Variants in TENM2 observed in about 807,000 individuals in gnomAD.
TENM2 encodes the protein teneurin-2.
TENM2 carries 52 observed loss-of-function variants against 245.2 expected under a neutral mutation model. The observed-to-expected ratio is 0.21, with a 90% CI of 0.17 to 0.27. TENM2 has a LOEUF of 0.27. Among genes scored for constraint, TENM2 ranks in the 10% least tolerant of loss-of-function variants. The probability of loss-of-function intolerance (pLI) is 1.00; values close to 1 mark genes in which losing one functional copy is unlikely to be tolerated. For synonymous variants in TENM2, 1,363 were observed against 1,438.9 expected (o/e 0.95, Z 1.19); for missense variants, 3,046 against 3,666.8 (o/e 0.83, Z 4.37).
At chr5:167,082,293 T>G in the TENM2 span, among the ~76,000 whole-genome samples, 1 of 152,104 alleles carries the variant, frequency 6.6e-6, no homozygotes, top group South Asian at 2.1e-4. Flanking sequence ...TTTATTTATT[T>G]ATTTATTTTG....
the TENM2 span, among the ~76,000 whole-genome samples, chr5:167,247,120 G>A: frequency 6.6e-6 from 1 of 152,056 alleles, no homozygotes; most frequent in Non-Finnish European, 1.5e-5. Flanking sequence ...CCCTTTACAA[G>A]CACTGCCTTA....
At chr5:167,392,772 A>T (rs1761832328) in intron 2 of TENM2, among the ~76,000 whole-genome samples, 1 of 152,200 alleles carries the variant, frequency 6.6e-6, no homozygotes, top group Non-Finnish European at 1.5e-5. Context: ...CATGGCAATA[A>T]CATTTAACTA....
chr5:167,018,008 A>G, the TENM2 span, among the ~76,000 whole-genome samples: 91 of 152,316 alleles, frequency 6.0e-4, no homozygotes, highest in Middle Eastern at 0.024. Context: ...CATCTTTTAT[A>G]AAAACACAAA....
At chr5:167,613,850 A>G (rs1777618642) in intron 2 of TENM2, among the ~76,000 whole-genome samples, 1 of 152,198 alleles carries the variant, frequency 6.6e-6, no homozygotes, top group African/African-American at 2.4e-5. Context: ...TTAAAATGCA[A>G]CGGTGGAAGA....
rs139478192 is a variant in TENM2, at chr5:168,192,074, G to A, written c.2780+1527G>A. Among the ~76,000 whole-genome samples, 476 of 152,234 alleles carry A rather than the reference G, an allele frequency of 3.1e-3. 2 individuals carry two copies. The highest frequency in any genetic ancestry group is 0.01 in the African/African-American group (436 of 41,536). The stretch of plus-strand genomic sequence containing the variant: ...TATTTCAGCCCTGATACCTCCTAGC[G>A]ATATCATGTTGGGCTCGTAAACCTC... On this transcript the variant is annotated intron_variant, in intron 14 of 28. Transcript: ENST00000518659.
rs186015019 is a variant in TENM2 at position 167,493,246 on chromosome 5, C to G, written c.502+117773C>G. ...TAAGCTATGATCTTGCCACTGTACT[C>G]CAGCCTGGGTGAGAGAGTAAGACCC... is the stretch of plus-strand genomic sequence containing the variant. On this transcript the variant is annotated intron_variant, in intron 2 of 28. Coordinates refer to ENST00000518659, the Ensembl canonical transcript of TENM2. 2.6e-3 allele frequency among the ~76,000 whole-genome samples: 402 copies of G among 151,926 alleles called. 1 individual carries two copies. The highest frequency in any genetic ancestry group is 8.5e-3 in the African/African-American group (351 of 41,422).
chr5:167,764,630 A>C (rs1762885806), intron 2 of TENM2, among the ~76,000 whole-genome samples: 1 of 152,182 alleles, frequency 6.6e-6, no homozygotes, highest in African/African-American at 2.4e-5. Context: ...AATAGAGCGC[A>C]TTCTTAGGTG....
At chr5:167,744,340 C>T (rs991230344) in intron 2 of TENM2, among the ~76,000 whole-genome samples, 3 of 152,120 alleles carry the variant, frequency 2.0e-5, no homozygotes, top group Admixed American at 1.3e-4. Context: ...ATCTCTTACC[C>T]ACACAGTCTC....
At chr5:167,201,054 T>C in the TENM2 span, among the ~76,000 whole-genome samples, 1 of 152,178 alleles carries the variant, frequency 6.6e-6, no homozygotes, top group Non-Finnish European at 1.5e-5. Flanking sequence ...GCCAACTTCA[T>C]GTCTTCTCTG....
the TENM2 span, among the ~76,000 whole-genome samples, chr5:167,131,532 G>A: frequency 4.8e-3 from 736 of 152,212 alleles, 6 homozygotes; most frequent in African/African-American, 0.017. Context: ...GTAGGAAAGG[G>A]TGAAAGGCCA....
the TENM2 span, among the ~76,000 whole-genome samples, chr5:167,007,442 C>G: frequency 1.3e-5 from 2 of 152,184 alleles, no homozygotes; most frequent in Non-Finnish European, 2.9e-5. This position sits in a 1 kb window ranked among gnomAD's most constrained non-coding sequence, Gnocchi z 4.2. Context: ...AAATGCAATG[C>G]ACTGCATAGG....
intron 3 of TENM2, among the ~76,000 whole-genome samples, chr5:167,883,407 C>A (rs750860659): frequency 7.2e-5 from 11 of 152,194 alleles, no homozygotes; most frequent in Non-Finnish European, 1.5e-4. Context: ...CACACACACA[C>A]GTAAATGTGT....
rs77589329 is a variant in TENM2 at position 167,718,959 on chromosome 5, C to A, written c.503-157027C>A. ...GCATAGTCCTGAAGACACACATGCCCAAAAGACATATTTATTATTGTTTCT... is the reference window on the plus strand; with the variant it reads ...GCATAGTCCTGAAGACACACATGCCAAAAAGACATATTTATTATTGTTTCT... On this transcript the variant is annotated intron_variant, in intron 2 of 28. Coordinates refer to ENST00000518659, the Ensembl canonical transcript of TENM2. Among the ~76,000 whole-genome samples the A allele has an allele frequency of 6.4e-3, 980 of 152,164 alleles. 6 individuals carry two copies. Among genetic ancestry groups the A allele is most frequent in the African/African-American group, 0.022 (926 of 41,514 alleles).
intron 2 of TENM2, among the ~76,000 whole-genome samples, chr5:167,849,638 T>G (rs531310617): frequency 7.9e-5 from 12 of 152,328 alleles, no homozygotes; most frequent in Admixed American, 7.8e-4. Context: ...AAGTCCCATG[T>G]TGTGACTTGT....
At chr5:167,090,216 G>C in the TENM2 span, among the ~76,000 whole-genome samples, 1 of 148,644 alleles carries the variant, frequency 6.7e-6, no homozygotes, top group African/African-American at 2.5e-5. Context: ...AAAACAAATA[G>C]TTAATTCAAA....
the TENM2 span, among the ~76,000 whole-genome samples, chr5:167,193,037 T>C: frequency 1.3e-5 from 2 of 152,174 alleles, no homozygotes; most frequent in South Asian, 4.1e-4. Context: ...TCTGCATTGC[T>C]ACCACAGTAT....
At chr5:166,987,647 T>C in the TENM2 span, among the ~76,000 whole-genome samples, 1 of 152,146 alleles carries the variant, frequency 6.6e-6, no homozygotes, top group Non-Finnish European at 1.5e-5. Context: ...ATTGTTCACA[T>C]CTGGGTTTCA....
At chr5:167,680,177 G>T (rs1756607802) in intron 2 of TENM2, among the ~76,000 whole-genome samples, 1 of 151,954 alleles carries the variant, frequency 6.6e-6, no homozygotes, top group Non-Finnish European at 1.5e-5. Context: ...CCCATTTAAT[G>T]CCAGTTATAG....
intron 12 of TENM2, among the ~76,000 whole-genome samples, chr5:168,146,303 A>G (rs1192394545): frequency 6.6e-6 from 1 of 152,168 alleles, no homozygotes; most frequent in Non-Finnish European, 1.5e-5. Flanking sequence ...TAGAGGGGAA[A>G]AGGTCTAAAA....
Sources: allele counts gnomAD v4.1 joint callset (sites outside exome capture counted in the v4.1 genomes callset), GRCh38; gene constraint gnomAD v4.1.1; non-coding constraint Gnocchi (gnomAD v3.1); transcripts MANE v1.5; gene names NCBI Gene and HGNC (gene_info 2026-07-23, HGNC 2026-07-21).